The following SEM1 variants were observed in gnomAD, a reference collection of about 807,000 sequenced individuals.
SEM1 encodes the protein SEM1 26S proteasome subunit.
In SEM1, 3 loss-of-function variants were observed where a neutral mutation model predicts 12.7. The ratio of observed to expected loss-of-function variants is 0.24; its 90% confidence interval spans 0.11 to 0.61. SEM1 has a LOEUF of 0.61. Among genes scored for constraint, SEM1 ranks in the 20% least tolerant of loss-of-function variants. The pLI is 0.88. For synonymous variants in SEM1, 30 were observed against 27.8 expected (o/e 1.08, Z -0.25); for missense variants, 59 against 81.3 (o/e 0.73, Z 1.06).
At chr7:96,530,681 G>C (rs12704850) in intron 2 of SEM1, among the ~76,000 whole-genome samples, 4 of 152,082 alleles carry the variant, frequency 2.6e-5, no homozygotes, top group Admixed American at 2.6e-4. Context: ...ACAATTCGGC[G>C]TAGCATTCCT....
chr7:96,708,476 T>C (rs773910919), intron 1 of SEM1, among the ~76,000 whole-genome samples: 6 of 152,260 alleles, frequency 3.9e-5, no homozygotes, highest in Non-Finnish European at 7.3e-5. Context: ...AGTGAAGTAG[T>C]AATTGCTTGA....
intron 2 of SEM1, among the ~76,000 whole-genome samples, chr7:96,593,423 T>A (rs1806895485): frequency 6.6e-6 from 1 of 152,092 alleles, no homozygotes; most frequent in South Asian, 2.1e-4. Flanking sequence ...CCTAGAAAAA[T>A]TCAATTAAAC....
At chr7:96,533,359 A>T (rs1015660509) in intron 2 of SEM1, among the ~76,000 whole-genome samples, 1 of 152,062 alleles carries the variant, frequency 6.6e-6, no homozygotes. Context: ...ATCTAGAGTC[A>T]TCAAAGATGA....
chr7:96,498,708 AACAT>A (rs1803392135), upstream of SEM1, among the ~76,000 whole-genome samples: 1 of 152,186 alleles, frequency 6.6e-6, no homozygotes, highest in South Asian at 2.1e-4. Context: ...CTGCTCTTCT[AACAT>A]ACATGTGTTA....
chr7:96,510,507 C>A (rs908490634), intron 2 of SEM1, among the ~76,000 whole-genome samples: 7 of 152,122 alleles, frequency 4.6e-5, no homozygotes, highest in African/African-American at 1.4e-4. Context: ...GTATTATAAT[C>A]TTATGGGACC....
chr7:96,524,357 A>G (rs1426247435), intron 2 of SEM1, among the ~76,000 whole-genome samples: 1 of 152,180 alleles, frequency 6.6e-6, no homozygotes, highest in Non-Finnish European at 1.5e-5. Flanking sequence ...GCATTATGCA[A>G]TATGGTAGCC....
chr7:96,568,332 T>G (rs1196118656), intron 2 of SEM1, among the ~76,000 whole-genome samples: 2 of 151,854 alleles, frequency 1.3e-5, no homozygotes, highest in African/African-American at 4.8e-5. Flanking sequence ...TTTCTCATTT[T>G]AAATATTTTC....
At chr7:96,651,930 G>A (rs1234149758) in intron 2 of SEM1, among the ~76,000 whole-genome samples, 1 of 152,144 alleles carries the variant, frequency 6.6e-6, no homozygotes, top group Non-Finnish European at 1.5e-5. Flanking sequence ...CCTCAAGTCT[G>A]GAAATTACTT....
At chr7:96,539,326 T>C (rs1804879808) in intron 2 of SEM1, among the ~76,000 whole-genome samples, 2 of 151,986 alleles carry the variant, frequency 1.3e-5, no homozygotes, top group Middle Eastern at 3.4e-3. Context: ...ACATGTTGTT[T>C]TGAGCTGCTA....
downstream of SEM1, among the ~76,000 whole-genome samples, chr7:96,672,154 T>G (rs1789333442): frequency 6.6e-6 from 1 of 152,182 alleles, no homozygotes; most frequent in Admixed American, 6.5e-5. Context: ...CCAGTGATTC[T>G]TCTCAGGACT....
intron 2 of SEM1, chr7:96,622,748 A>C (rs1807936761): frequency 1.5e-6 from 1 of 685,420 alleles, no homozygotes; most frequent in East Asian, 2.7e-5. Flanking sequence ...AGATCATAAA[A>C]TCACTTAATA....
intron 2 of SEM1, among the ~76,000 whole-genome samples, chr7:96,537,888 T>C (rs1172217375): frequency 6.6e-6 from 1 of 151,850 alleles, no homozygotes; most frequent in Non-Finnish European, 1.5e-5. Context: ...GTCCTCAATT[T>C]CTTCTGCTTC....
At chr7:96,536,118 A>G (rs1056937684) in intron 2 of SEM1, among the ~76,000 whole-genome samples, 3 of 151,870 alleles carry the variant, frequency 2.0e-5, no homozygotes, top group African/African-American at 4.8e-5. Context: ...CCTCATCAGC[A>G]TCTGTTATTT....
At chr7:96,709,646 G>A (rs1014209530) in intron 1 of SEM1, 42 bp downstream of exon 1, 38 of 1,597,170 alleles carry the variant, frequency 2.4e-5, no homozygotes, top group Non-Finnish European at 2.7e-5. Flanking sequence ...GGAGGCCTGA[G>A]TCACCGTTCG....
intron 2 of SEM1, among the ~76,000 whole-genome samples, chr7:96,528,394 G>A (rs919708473): frequency 7.9e-5 from 12 of 152,104 alleles, no homozygotes; most frequent in Admixed American, 2.6e-4. Context: ...GTTTCACCAT[G>A]TTGCCCAGGC....
At chr7:96,660,321 A>G (rs1160644423) in intron 2 of SEM1, among the ~76,000 whole-genome samples, 2 of 152,188 alleles carry the variant, frequency 1.3e-5, no homozygotes, top group Admixed American at 6.5e-5. Context: ...ATAGAACTAC[A>G]GATACAAATG....
chr7:96,484,797 A>C, intron 3 of SEM1: 2 of 1,260,342 alleles, frequency 1.6e-6, no homozygotes, highest in African/African-American at 3.1e-5. Flanking sequence ...TTACCCATTT[A>C]TATCCATTTA....
intron 2 of SEM1, among the ~76,000 whole-genome samples, chr7:96,592,996 T>C (rs1466589940): frequency 2.2e-5 from 2 of 91,736 alleles, no homozygotes; most frequent in Non-Finnish European, 4.2e-5. Flanking sequence ...AATTCTCCCA[T>C]ATTAAAAAAA....
At chr7:96,582,734 T>C in intron 2 of SEM1, among the ~76,000 whole-genome samples, 1 of 152,282 alleles carries the variant, frequency 6.6e-6, no homozygotes, top group Non-Finnish European at 1.5e-5. Flanking sequence ...TATCCATTTC[T>C]TCCAGATTTT....
Sources: gnomAD v4.1 joint callset for allele counts (sites outside exome capture counted in the v4.1 genomes callset) on GRCh38, gnomAD v4.1.1 for gene constraint, MANE v1.5 for transcripts, NCBI Gene and HGNC (gene_info 2026-07-23, HGNC 2026-07-21) for gene names.